SRP72: variants seen among roughly 807,000 people sequenced by gnomAD.
SRP72 encodes the protein signal recognition particle subunit SRP72.
SRP72 carries 49 observed loss-of-function variants against 96.3 expected under a neutral mutation model. The observed-to-expected ratio is 0.51, with a 90% CI of 0.40 to 0.65. The LOEUF is 0.65. Among genes scored for constraint, SRP72 ranks in the 30% least tolerant of loss-of-function variants. SRP72 has a pLI of 0.00. For missense variants in SRP72, 736 were observed against 793.3 expected, an observed-to-expected ratio of 0.93 and a Z score of 0.87; for synonymous variants, 267 against 275.2, an observed-to-expected ratio of 0.97 and a Z score of 0.30.
At chr4:56,493,976 A>C (rs955107691) in intron 16 of SRP72, among the ~76,000 whole-genome samples, 1 of 152,232 alleles carries the variant, frequency 6.6e-6, no homozygotes, top group African/African-American at 2.4e-5. Flanking sequence ...CGGAGGGAAT[A>C]GTCACTTCTT....
chr4:56,473,974 G>T, intron 3 of SRP72, 80 bp from the exon 4 acceptor site: 1 of 1,431,436 alleles, frequency 7.0e-7, no homozygotes, highest in Non-Finnish European at 9.4e-7. Context: ...CTACTTAGTG[G>T]TTCCAAAAAA....
In SRP72 at chr4:56,491,394, G is replaced by T. The variant is rs771865269; in HGVS notation, c.1503-37G>T. The T allele has an allele frequency of 1.9e-6, 3 of 1,604,510 alleles. No homozygotes were observed. In the East Asian group the frequency reaches 6.7e-5, roughly 36 times the overall value. Reference sequence around the variant, plus strand: ...TATATCTATATAAATGTGTGTGTTTGTGTATATTATGTTCCTGAACTCCTG... The same window carrying T: ...TATATCTATATAAATGTGTGTGTTTTTGTATATTATGTTCCTGAACTCCTG... On this transcript the variant is annotated intron_variant, in intron 15 of 18. Transcript: ENST00000642900.
rs541593497 is a variant in SRP72, at chr4:56,478,964, C to T, written c.825+315C>T. Among the ~76,000 whole-genome samples, 24 of 152,066 alleles carry T rather than the reference C, an allele frequency of 1.6e-4. No individual in the cohort carries two copies. The South Asian group carries it at 4.8e-3, about 30-fold the overall frequency. On this transcript the variant is annotated intron_variant, in intron 8 of 18. Transcript: ENST00000642900. Reference sequence around the variant, plus strand: ...TGGGGCTTTTAAACTTTTAAGTATACGCATGTTTTATATGATTTCTTCGTC... The same window carrying T: ...TGGGGCTTTTAAACTTTTAAGTATATGCATGTTTTATATGATTTCTTCGTC...
chr4:56,491,420 T>C lies in SRP72; in HGVS notation c.1503-11T>C. On this transcript the variant is annotated splice_polypyrimidine_tract_variant and intron_variant, in intron 15 of 18. Transcript: ENST00000642900. ...TGTATATTATGTTCCTGAACTCCTGTTCTATCACAGTCTTAGTAAACACTT... is the reference window on the plus strand; with the variant it reads ...TGTATATTATGTTCCTGAACTCCTGCTCTATCACAGTCTTAGTAAACACTT... 6.2e-7 allele frequency: 1 copy of C among 1,612,522 alleles called. No homozygotes were observed. Among genetic ancestry groups the C allele is most frequent in the Non-Finnish European group, 8.5e-7 (1 of 1,179,324 alleles).
chr4:56,478,055 C>T (rs1267225524), intron 6 of SRP72, among the ~76,000 whole-genome samples: 1 of 151,752 alleles, frequency 6.6e-6, no homozygotes, highest in Non-Finnish European at 1.5e-5. Context: ...TTGTTTTTTA[C>T]TTACGTTTTT....
chr4:56,482,836 A>G (rs1328183801), intron 8 of SRP72, among the ~76,000 whole-genome samples: 4 of 152,218 alleles, frequency 2.6e-5, no homozygotes, highest in Non-Finnish European at 5.9e-5. Flanking sequence ...TCTTTAAAGC[A>G]GTTCACTTGT....
rs1721218687 is a variant in SRP72, at chr4:56,500,306, G to A, written c.1679-230G>A. The A allele has an allele frequency of 7.7e-6, 3 of 387,950 alleles. No individual in the cohort carries two copies. In the South Asian group the frequency reaches 8.8e-5, roughly 11 times the overall value. 24.0% of individuals were successfully genotyped at this position (387,950 alleles called of 1,614,324 possible). A position where few individuals can be genotyped will look rare whatever the true frequency, so the allele number is the denominator to read the frequency against. Reference sequence around the variant, plus strand: ...GGTGCAGCAAACCACCATGGCACATGTATACCTATGTAACAAACCTGCACG... The same window carrying A: ...GGTGCAGCAAACCACCATGGCACATATATACCTATGTAACAAACCTGCACG... On this transcript the variant is annotated intron_variant, in intron 17 of 18. Coordinates refer to ENST00000642900, the MANE Select transcript of SRP72 (RefSeq NM_006947.4).
Position 56,471,700 on chromosome 4 carries a change from G to GA in SRP72, c.231-20_231-19insA. The GA allele has an allele frequency of 1.3e-6, 2 of 1,568,090 alleles. No individual in the cohort carries two copies. The highest frequency in any genetic ancestry group is 1.7e-6 in the Non-Finnish European group (2 of 1,147,548). On this transcript the variant is annotated intron_variant, in intron 2 of 18. Coordinates refer to ENST00000642900, the MANE Select transcript of SRP72 (RefSeq NM_006947.4). ...CATTGTTAGATAATAATCAGATACT[G>GA]TTTTTTTTTCCTTCTTCAGTAACTC...
At chr4:56,469,907 C>T in intron 2 of SRP72, 134 bp downstream of exon 2, 2 of 775,398 alleles carry the variant, frequency 2.6e-6, no homozygotes, top group South Asian at 3.2e-5. Flanking sequence ...CCCCCTTTTG[C>T]TTGTCAATAA....
chr4:56,487,540 C>G (rs1720756583), intron 11 of SRP72, among the ~76,000 whole-genome samples: 1 of 152,066 alleles, frequency 6.6e-6, no homozygotes, highest in South Asian at 2.1e-4. Flanking sequence ...AATACAAAAT[C>G]AGAATTTAAC....
chr4:56,491,936 G>T (rs1256660542), intron 16 of SRP72, among the ~76,000 whole-genome samples: 1 of 152,006 alleles, frequency 6.6e-6, no homozygotes, highest in African/African-American at 2.4e-5. Context: ...TCTTGGCTCA[G>T]TGCAGCCTCC....
intron 11 of SRP72, 132 bp downstream of exon 11, chr4:56,486,529 C>A: frequency 1.5e-6 from 1 of 656,486 alleles, no homozygotes; most frequent in Non-Finnish European, 2.4e-6. Flanking sequence ...TTCAAACATG[C>A]AGCTAGATTG....
chr4:56,486,424 A>G (rs956042991), intron 11 of SRP72, 27 bp downstream of exon 11: 13 of 1,541,394 alleles, frequency 8.4e-6, no homozygotes, highest in South Asian at 1.3e-5. Flanking sequence ...CATGATTAAA[A>G]TATTTTAATG....
Position 56,490,421 on chromosome 4 carries a change from T to C in SRP72, c.1409T>C (p.Leu470Pro). The C allele has an allele frequency of 6.2e-7, 1 of 1,613,834 alleles. No homozygotes were observed. Among genetic ancestry groups the C allele is most frequent in the Non-Finnish European group, 8.5e-7 (1 of 1,179,906 alleles). ...CGGAAGAAGGAGGCAATTAGTGACC[T>C]ACAACAGCTGTGGAAGTAAGCTCTG... is the stretch of plus-strand genomic sequence containing the variant. ...YGRKKEAISD[L>P]QQLWKQNPKD... The change falls in exon 14 of 19, where the codon CTA (leucine) becomes CCA (proline). Residue 470 changes from leucine to proline, a missense_variant. Physicochemically the swap from Leu to Pro is moderately conservative, Grantham distance 98 (BLOSUM62 -3). Around this residue, in one of 3 missense-constraint regions of SRP72, gnomAD observed 388 missense variants for 431.8 expected, o/e 0.90. Transcript: ENST00000642900.
At chr4:56,491,853 AT>A (rs889334843) in intron 16 of SRP72, among the ~76,000 whole-genome samples, 56 of 148,734 alleles carry the variant, frequency 3.8e-4, no homozygotes, top group East Asian at 2.2e-3. Context: ...ATTTATTACT[AT>A]TTTTTTTTTA....
At chr4:56,496,520 A>G (rs2110131555) in intron 17 of SRP72, among the ~76,000 whole-genome samples, 1 of 152,352 alleles carries the variant, frequency 6.6e-6, no homozygotes, top group South Asian at 2.1e-4. Context: ...GCAAGGAAAC[A>G]GCTGATGACT....
At chr4:56,495,317 T>C in intron 16 of SRP72, 40 bp from the exon 17 acceptor site, 2 of 1,389,966 alleles carry the variant, frequency 1.4e-6, no homozygotes. Context: ...TATAAATATT[T>C]TATCACAAAG....
chr4:56,474,387 T>C lies in SRP72; in HGVS notation c.606T>C (p.Ala202=). 1 of 1,613,070 alleles carries C rather than the reference T, an allele frequency of 6.2e-7. No individual in the cohort carries two copies. The highest frequency in any genetic ancestry group is 2.2e-5 in the East Asian group (1 of 44,878). The change falls in exon 5 of 19, where the codon GCT becomes GCC. Residue 202 remains alanine, a synonymous_variant. Coordinates refer to ENST00000642900, the MANE Select transcript of SRP72 (RefSeq NM_006947.4). ...AGGCCATGAAAATCCTACAAAAAGC[T>C]GAAGGTTGGAAGTTTGTTAAACTTA... ...LNQAMKILQK[A]EDLCRRSLSE... is the part of the protein sequence containing the mutation.
Position 56,478,460 on chromosome 4 carries a change from A to G in SRP72, c.724A>G (p.Thr242Ala), listed in dbSNP as rs1383742004. ...TTATATTCTGCAGCTTCAGGGTCGA[A>G]CAGAGGAGGCTTTGCAACTTTACAA... ...MAYILQLQGR[T>A]EEALQLYNQI... The change falls in exon 7 of 19, where the codon ACA becomes GCA. Residue 242 changes from threonine (T) to alanine (A), a missense_variant. This residue lies in a region of SRP72 where 329 missense variants were observed against 319.0 expected (regional missense o/e 1.03). Transcript: ENST00000642900. 2 of 1,614,004 alleles carry G rather than the reference A, an allele frequency of 1.2e-6. No homozygotes were observed. The highest frequency in any genetic ancestry group is 1.7e-5 in the Admixed American group (1 of 60,012).
Sources: gnomAD v4.1 joint callset for allele counts (sites outside exome capture counted in the v4.1 genomes callset) on GRCh38, gnomAD v4.1.1 for gene constraint, gnomAD v4.1.1 regional missense constraint, MANE v1.5 for transcripts, NCBI Gene and HGNC (gene_info 2026-07-23, HGNC 2026-07-21) for gene names.